ANKRD62: variants seen among roughly 807,000 people sequenced by gnomAD.
ANKRD62 encodes ankyrin repeat domain 62.
Under a neutral mutation model 98.8 loss-of-function variants are expected in ANKRD62, and 61 were observed. That is an observed-to-expected ratio of 0.62 (90% CI 0.50 to 0.76). The LOEUF is 0.76. Among genes scored for constraint, ANKRD62 ranks in the 30% least tolerant of loss-of-function variants. The pLI, the probability that ANKRD62 is intolerant of heterozygous loss-of-function variation, is 0.00. For missense variants in ANKRD62, 933 were observed against 1,082.9 expected (o/e 0.86, Z 1.94); for synonymous variants, 341 against 367.9 (o/e 0.93, Z 0.84).
At chr18:12,102,609 G>A (rs1399212724) in intron 6 of ANKRD62, 5 of 534,796 alleles carry the variant, frequency 9.3e-6, no homozygotes, top group Non-Finnish European at 1.3e-5. Flanking sequence ...GTTTGTCTGG[G>A]GAAAGAGCCA....
the ANKRD62 span, among the ~76,000 whole-genome samples, chr18:12,169,192 G>A: frequency 6.6e-6 from 1 of 152,164 alleles, no homozygotes; most frequent in Admixed American, 6.5e-5. Flanking sequence ...TGGTGAGAGA[G>A]GGCATCCCTG....
the ANKRD62 span, among the ~76,000 whole-genome samples, chr18:12,169,156 A>C: frequency 9.2e-5 from 14 of 152,192 alleles, no homozygotes; most frequent in Non-Finnish European, 1.8e-4. Flanking sequence ...CCTGGCCAGG[A>C]CTTCCAACAC....
At chr18:12,161,000 T>A in the ANKRD62 span, among the ~76,000 whole-genome samples, 2 of 152,146 alleles carry the variant, frequency 1.3e-5, no homozygotes, top group Non-Finnish European at 2.9e-5. Context: ...CATGACACAC[T>A]AACAAGTTTT....
intron 10 of ANKRD62, 89 bp downstream of exon 10, chr18:12,115,623 T>C: frequency 3.4e-6 from 4 of 1,168,330 alleles, no homozygotes; most frequent in Non-Finnish European, 4.7e-6. Flanking sequence ...AGAACACTGA[T>C]GTGTTATAGG....
intron 10 of ANKRD62, among the ~76,000 whole-genome samples, chr18:12,118,531 G>A (rs985289516): frequency 3.8e-4 from 57 of 151,196 alleles, no homozygotes; most frequent in African/African-American, 1.3e-3. Flanking sequence ...ATCGCTTGAA[G>A]CTGGGAGGCA....
the ANKRD62 span, among the ~76,000 whole-genome samples, chr18:12,176,092 T>C: frequency 2.0e-5 from 3 of 151,728 alleles, no homozygotes. Context: ...CTCGGAAGAC[T>C]GAAGCAGAAG....
At chr18:12,109,260 A>T (rs1191814728) in intron 8 of ANKRD62, among the ~76,000 whole-genome samples, 1 of 152,198 alleles carries the variant, frequency 6.6e-6, no homozygotes, top group Non-Finnish European at 1.5e-5. Context: ...AAATCTAGGC[A>T]AAGGTTCCCA....
At chr18:12,119,613 CATG>C in intron 10 of ANKRD62, among the ~76,000 whole-genome samples, 1 of 152,206 alleles carries the variant, frequency 6.6e-6, no homozygotes, top group South Asian at 2.1e-4. Context: ...GCTTGGCTCT[CATG>C]ATAAGACTAC....
At position 12,125,665 on chromosome 18, in the gene ANKRD62, C is replaced by G; in HGVS notation, c.1844C>G (p.Thr615Arg). ...KTLKRNEEAL[T>R]KTITRYSKEL... Reference sequence around the variant, plus strand: ...CTCAAGCGGAATGAGGAAGCATTAACAAAAACAATAACCCGGTATAGTAAA... The same window carrying G: ...CTCAAGCGGAATGAGGAAGCATTAAGAAAAACAATAACCCGGTATAGTAAA... Residue 615 changes from threonine to arginine, a missense_variant, in exon 13 of 14, where the codon ACA (threonine) becomes AGA (arginine). Thr to Arg is a moderately conservative substitution (Grantham distance 71). This residue lies in a region of ANKRD62 where 362 missense variants were observed against 434.5 expected (regional missense o/e 0.83). Transcript: ENST00000587848. 6.5e-7 allele frequency: 1 copy of G among 1,532,708 alleles called. No homozygotes were observed. The highest frequency in any genetic ancestry group is 8.7e-7 in the Non-Finnish European group (1 of 1,145,538). The allele number at this position is 1,532,708 out of a possible 1,614,324, so 94.9% of individuals were successfully genotyped here. A position where few individuals can be genotyped will look rare whatever the true frequency, so the allele number is the denominator to read the frequency against.
Position 12,094,039 on chromosome 18 carries a change from C to T in ANKRD62, c.22C>T (p.Leu8=). Residue 8 remains leucine (L), a synonymous_variant, in exon 1 of 14, where the codon CTG becomes TTG. Transcript: ENST00000587848. ...CAGGATGGAGGTCAGGGGGTCGTTC[C>T]TGGCGGCCTGCAGGAGACGCATGGC... MEVRGSF[L]AACRRRMATW... 4.6e-6 allele frequency: 7 copies of T among 1,535,176 alleles called. No individual in the cohort carries two copies. The highest frequency in any genetic ancestry group is 6.1e-6 in the Non-Finnish European group (7 of 1,146,756).
At chr18:12,155,725 T>C in the ANKRD62 span, among the ~76,000 whole-genome samples, 1 of 152,178 alleles carries the variant, frequency 6.6e-6, no homozygotes, top group Non-Finnish European at 1.5e-5. Flanking sequence ...TAGTATATTC[T>C]ACCTAATGTC....
At chr18:12,154,972 G>C in the ANKRD62 span, among the ~76,000 whole-genome samples, 1 of 152,192 alleles carries the variant, frequency 6.6e-6, no homozygotes, top group African/African-American at 2.4e-5. Flanking sequence ...CTGCTTGAGA[G>C]TGGAAGGTGG....
intron 8 of ANKRD62, among the ~76,000 whole-genome samples, chr18:12,113,737 G>T (rs1301106709): frequency 6.6e-6 from 1 of 152,242 alleles, no homozygotes; most frequent in African/African-American, 2.4e-5. Flanking sequence ...GTGGAAAACA[G>T]TGTGGCATTT....
chr18:12,165,520 AAAAAACT>A, the ANKRD62 span, among the ~76,000 whole-genome samples: 1 of 152,048 alleles, frequency 6.6e-6, no homozygotes, highest in Non-Finnish European at 1.5e-5. Context: ...CAAACACACA[AAAAAACT>A]AATAAAAACT....
the ANKRD62 span, among the ~76,000 whole-genome samples, chr18:12,135,350 T>C: frequency 2.6e-5 from 4 of 151,166 alleles, no homozygotes; most frequent in Admixed American, 6.6e-5. Flanking sequence ...GCTTCATCCA[T>C]GTCCCTACAT....
chr18:12,156,240 A>ATG, the ANKRD62 span, among the ~76,000 whole-genome samples: 1 of 152,096 alleles, frequency 6.6e-6, no homozygotes, highest in South Asian at 2.1e-4. Flanking sequence ...AGAACCATAA[A>ATG]CCAAATACAT....
chr18:12,134,289 T>A (rs150136528), downstream of ANKRD62, among the ~76,000 whole-genome samples: 4 of 152,328 alleles, frequency 2.6e-5, no homozygotes, highest in East Asian at 7.7e-4. Flanking sequence ...CAAAATCTAT[T>A]ACAAAGATGG....
chr18:12,155,960 A>T, the ANKRD62 span, among the ~76,000 whole-genome samples: 1 of 151,890 alleles, frequency 6.6e-6, no homozygotes, highest in Non-Finnish European at 1.5e-5. Context: ...AGTGTTGGAG[A>T]TTTGCCTTTC....
chr18:12,094,118 T>A lies in ANKRD62; in HGVS notation c.101T>A (p.Val34Asp). The A allele has an allele frequency of 6.5e-7, 1 of 1,533,416 alleles. No homozygotes were observed. Among genetic ancestry groups the A allele is most frequent in the Non-Finnish European group, 8.7e-7 (1 of 1,146,396 alleles). 95.0% of individuals were successfully genotyped at this position (1,533,416 alleles called of 1,614,324 possible). A position where few individuals can be genotyped will look rare whatever the true frequency, so the allele number is the denominator to read the frequency against. ...KDGFSNPGYR[V>D]RQKDLGMIHK... is the part of the protein sequence containing the mutation. ...GGCTTCTCAAATCCCGGGTACCGAG[T>A]CCGGCAGAAGGATCTGGGCATGATC... is the stretch of plus-strand genomic sequence containing the variant. Residue 34 changes from valine to aspartate, a missense_variant, in exon 1 of 14, where the codon GTC becomes GAC. Coordinates refer to ENST00000587848, the MANE Select transcript of ANKRD62 (RefSeq NM_001277333.2).
Sources: allele counts gnomAD v4.1 joint callset (sites outside exome capture counted in the v4.1 genomes callset), GRCh38; gene constraint gnomAD v4.1.1; regional missense constraint gnomAD v4.1.1; transcripts MANE v1.5; gene names NCBI Gene and HGNC (gene_info 2026-07-23, HGNC 2026-07-21).